TENM2: variants seen among roughly 807,000 people sequenced by gnomAD.
TENM2 encodes teneurin-2.
TENM2 carries 52 observed loss-of-function variants against 245.2 expected under a neutral mutation model. The observed-to-expected ratio is 0.21, with a 90% CI of 0.17 to 0.27. The LOEUF (loss-of-function observed/expected upper bound fraction) is 0.27. TENM2 is among the 10% of genes least tolerant of loss of function. TENM2 has a pLI of 1.00. For missense variants in TENM2, 3,046 were observed against 3,666.8 expected (o/e 0.83, Z 4.37); for synonymous variants, 1,363 against 1,438.9 (o/e 0.95, Z 1.19).
chr5:167,548,371 G>A (rs1363207195), intron 2 of TENM2, among the ~76,000 whole-genome samples: 1 of 152,108 alleles, frequency 6.6e-6, no homozygotes. Flanking sequence ...TCGTGAGAAG[G>A]AATGTGTGGT....
chr5:167,447,736 T>C (rs1268402811), intron 2 of TENM2, among the ~76,000 whole-genome samples: 1 of 152,228 alleles, frequency 6.6e-6, no homozygotes, highest in African/African-American at 2.4e-5. Flanking sequence ...CATATGTGCC[T>C]CTCTCTCTAC....
chr5:167,897,391 G>A (rs1775306406), intron 3 of TENM2, among the ~76,000 whole-genome samples: 1 of 151,602 alleles, frequency 6.6e-6, no homozygotes. Context: ...TTTCTTTTTG[G>A]CACAAAAACA....
chr5:167,556,421 C>CATATATATATAT (rs4044320), intron 2 of TENM2, among the ~76,000 whole-genome samples: 5 of 146,644 alleles, frequency 3.4e-5, no homozygotes, highest in Admixed American at 2.1e-4. Flanking sequence ...TGTATACTTA[C>CATATATATATAT]ATATATATAT....
the TENM2 span, among the ~76,000 whole-genome samples, chr5:167,144,384 G>T: frequency 1.3e-5 from 2 of 152,330 alleles, no homozygotes; most frequent in East Asian, 3.9e-4. Context: ...GCGGGCAGTT[G>T]TCTCAGAAGG....
intron 2 of TENM2, among the ~76,000 whole-genome samples, chr5:167,869,079 T>C (rs939007492): frequency 3.9e-5 from 6 of 152,356 alleles, no homozygotes; most frequent in African/African-American, 1.4e-4. Flanking sequence ...GGGCTCAGTC[T>C]GCTGGACTCT....
At chr5:167,920,340 A>G in intron 3 of TENM2, among the ~76,000 whole-genome samples, 1 of 147,470 alleles carries the variant, frequency 6.8e-6, no homozygotes, top group South Asian at 2.2e-4. Context: ...TAAAAAAAAA[A>G]GAAAAAAAAA....
At chr5:167,152,981 A>T in the TENM2 span, among the ~76,000 whole-genome samples, 1 of 152,182 alleles carries the variant, frequency 6.6e-6, no homozygotes, top group Non-Finnish European at 1.5e-5. Context: ...GTCCTGAAGT[A>T]ATATGTCCTG....
At chr5:167,617,436 T>A (rs1025933136) in intron 2 of TENM2, among the ~76,000 whole-genome samples, 1 of 152,190 alleles carries the variant, frequency 6.6e-6, no homozygotes, top group Admixed American at 6.6e-5. Context: ...CTTGTGTATC[T>A]TAAATTACTT....
chr5:167,333,557 G>T (rs1467918388), intron 1 of TENM2, among the ~76,000 whole-genome samples: 3 of 152,112 alleles, frequency 2.0e-5, no homozygotes, highest in Non-Finnish European at 4.4e-5. Flanking sequence ...ATGTCCTTGG[G>T]CCAGCTAAAA....
At chr5:167,884,532 A>T (rs986261111) in intron 3 of TENM2, among the ~76,000 whole-genome samples, 1 of 152,226 alleles carries the variant, frequency 6.6e-6, no homozygotes, top group South Asian at 2.1e-4. Context: ...TTCACTTAGC[A>T]TAATGTCTTC....
Position 167,511,003 on chromosome 5 carries a change from T to A in TENM2, c.502+135530T>A, listed in dbSNP as rs145648119. Among the ~76,000 whole-genome samples, 83 of 152,260 alleles carry A rather than the reference T, an allele frequency of 5.5e-4. No homozygotes were observed. In the East Asian group the frequency reaches 0.014, roughly 26 times the overall value. On this transcript the variant is annotated intron_variant, in intron 2 of 28. Coordinates refer to ENST00000518659, the Ensembl canonical transcript of TENM2. ...GGAAGGAGACAAGTGTGGTCCTGTT[T>A]GAACATGGCATCAATTCCTTCTTAA...
chr5:168,007,386 C>T (rs1381790340), intron 5 of TENM2, among the ~76,000 whole-genome samples: 2 of 152,280 alleles, frequency 1.3e-5, no homozygotes, highest in African/African-American at 2.4e-5. Context: ...ACCTTGGCCT[C>T]CTAAAGTGCT....
chr5:167,039,426 A>C, the TENM2 span, among the ~76,000 whole-genome samples: 1,227 of 152,272 alleles, frequency 8.1e-3, 14 homozygotes, highest in East Asian at 0.036. Flanking sequence ...TGGCCAGGAA[A>C]CTTGGACTAT....
chr5:168,039,158 C>T lies in TENM2; in HGVS notation c.1187-8269C>T, dbSNP rs79751076. 5.4e-3 allele frequency among the ~76,000 whole-genome samples: 825 copies of T among 152,280 alleles called. 5 individuals carry two copies. The highest frequency in any genetic ancestry group is 0.019 in the African/African-American group (791 of 41,558). ...TGTTCCAGTGCTCATTGCACATCTA[C>T]GGATCGATATGACATCTTATCCTCT... On this transcript the variant is annotated intron_variant, in intron 5 of 28. Coordinates refer to ENST00000518659, the Ensembl canonical transcript of TENM2.
the TENM2 span, among the ~76,000 whole-genome samples, chr5:167,219,649 T>C: frequency 6.6e-6 from 1 of 152,246 alleles, no homozygotes; most frequent in African/African-American, 2.4e-5. Flanking sequence ...GCATTAGCTT[T>C]TGTTGGATGC....
At chr5:167,131,165 A>T in the TENM2 span, among the ~76,000 whole-genome samples, 2 of 152,084 alleles carry the variant, frequency 1.3e-5, no homozygotes, top group East Asian at 1.9e-4. Flanking sequence ...ACATTCTCTG[A>T]TGGGTTGGAG....
At chr5:167,687,161 G>T (rs1757129585) in intron 2 of TENM2, among the ~76,000 whole-genome samples, 1 of 152,046 alleles carries the variant, frequency 6.6e-6, no homozygotes, top group South Asian at 2.1e-4. Context: ...ATTGACTCAG[G>T]CTGTACTATA....
chr5:167,959,185 ATTCTTTTTTTTTTTTTT>A (rs1780796359), intron 4 of TENM2, among the ~76,000 whole-genome samples: 1 of 135,028 alleles, frequency 7.4e-6, no homozygotes, highest in African/African-American at 2.7e-5. Context: ...ATTCCTTTTC[ATTCTTTTTTTTTTTTTT>A]TTCTTTTTTT....
chr5:167,354,294 C>T (rs1759169066), intron 1 of TENM2, among the ~76,000 whole-genome samples: 1 of 152,214 alleles, frequency 6.6e-6, no homozygotes, highest in Admixed American at 6.5e-5. Flanking sequence ...GTGCTCATGG[C>T]TCACTGATTT....
Sources: gnomAD v4.1 joint callset for allele counts (sites outside exome capture counted in the v4.1 genomes callset) on GRCh38, gnomAD v4.1.1 for gene constraint, MANE v1.5 for transcripts, NCBI Gene and HGNC (gene_info 2026-07-23, HGNC 2026-07-21) for gene names.